Variants in JAKMIP1 observed in about 807,000 individuals in gnomAD.
JAKMIP1 encodes the protein janus kinase and microtubule interacting protein 1, also known as janus kinase and microtubule-interacting protein 1.
In JAKMIP1, 33 loss-of-function variants were observed where a neutral mutation model predicts 113.0. The ratio of observed to expected loss-of-function variants is 0.29; its 90% CI spans 0.22 to 0.39. JAKMIP1 has a LOEUF of 0.39. JAKMIP1 is among the 10% of genes least tolerant of loss of function. The pLI is 1.00. For synonymous variants in JAKMIP1, 480 were observed against 459.9 expected (o/e 1.04, Z -0.56); for missense variants, 813 against 1,080.5 (o/e 0.75, Z 3.47).
chr4:6,051,708 G>C lies in JAKMIP1; in HGVS notation c.1807-1029C>G, dbSNP rs1486597887. On this transcript the variant is annotated intron_variant, in intron 13 of 20. Coordinates refer to ENST00000409021, the MANE Select transcript of JAKMIP1 (RefSeq NM_001099433.2). This position sits in a 1 kb window ranked among gnomAD's most constrained non-coding sequence, Gnocchi z 5.0. ...GAAGAGCAAGCCTTTTCCCAGAAGA[G>C]GTATTTATTAATCATACATAAATGA... Among the ~76,000 whole-genome samples the C allele has an allele frequency of 6.6e-6, 1 of 152,172 alleles. No homozygotes were observed. Among genetic ancestry groups the C allele is most frequent in the East Asian group, 1.9e-4 (1 of 5,200 alleles).
At chr4:6,078,679 G>A (rs1720038652) in intron 8 of JAKMIP1, among the ~76,000 whole-genome samples, 1 of 152,036 alleles carries the variant, frequency 6.6e-6, no homozygotes, top group Admixed American at 6.6e-5. Flanking sequence ...TTAATTTTGG[G>A]TGAATATACC....
intron 1 of JAKMIP1, among the ~76,000 whole-genome samples, chr4:6,174,609 G>T (rs1439167206): frequency 6.6e-6 from 1 of 152,120 alleles, no homozygotes; most frequent in Non-Finnish European, 1.5e-5. Flanking sequence ...TGGAGAGGTC[G>T]CAACACTGCT....
At position 6,153,912 on chromosome 4, in the gene JAKMIP1, G is replaced by A. The variant is rs936779046; in HGVS notation, c.-147-40915C>T. ...ACTCTCACTGAGAAATGCGGAACCAGCTACCCGCTCCCTGAGGCCCCTTTT... is the reference window on the plus strand; with the variant it reads ...ACTCTCACTGAGAAATGCGGAACCAACTACCCGCTCCCTGAGGCCCCTTTT... On this transcript the variant is annotated intron_variant, in intron 1 of 20. Transcript: ENST00000409021. The surrounding 1 kb of genome is among the most constrained non-coding windows in gnomAD (Gnocchi z 4.9). 6.6e-6 allele frequency among the ~76,000 whole-genome samples: 1 copy of A among 152,248 alleles called. No individual in the cohort carries two copies. Among genetic ancestry groups the A allele is most frequent in the Non-Finnish European group, 1.5e-5 (1 of 68,042 alleles).
In JAKMIP1 at chr4:6,089,846, C is replaced by T. The variant is rs940816655; in HGVS notation, c.625-4217G>A. Among the ~76,000 whole-genome samples the T allele has an allele frequency of 2.0e-5, 3 of 152,184 alleles. No homozygotes were observed. The highest frequency in any genetic ancestry group is 7.2e-5 in the African/African-American group (3 of 41,444). On this transcript the variant is annotated intron_variant, in intron 3 of 20. Transcript: ENST00000409021. The surrounding 1 kb of genome is among the most constrained non-coding windows in gnomAD (Gnocchi z 5.3). ...TCTACCCCGAAAATCAGAATGTCAC[C>T]TTACTTCGAAATAGGGCCTTTGCAG...
intron 1 of JAKMIP1, among the ~76,000 whole-genome samples, chr4:6,121,676 G>T (rs1433830762): frequency 6.6e-6 from 1 of 152,246 alleles, no homozygotes; most frequent in Non-Finnish European, 1.5e-5. Flanking sequence ...CTACTCCAGT[G>T]ATCGCAGCGC....
rs190014844 is a variant in JAKMIP1, at chr4:6,088,905, G to C, written c.625-3276C>G. Among the ~76,000 whole-genome samples, 1 of 152,328 alleles carries C rather than the reference G, an allele frequency of 6.6e-6. No homozygotes were observed. The highest frequency in any genetic ancestry group is 1.9e-4 in the East Asian group (1 of 5,184). Reference sequence around the variant, plus strand: ...CAGTCTCAGCATGTGCAGTAGGAAAGGGGTGGAACGAACATCACTGCAAGT... The same window carrying C: ...CAGTCTCAGCATGTGCAGTAGGAAACGGGTGGAACGAACATCACTGCAAGT... On this transcript the variant is annotated intron_variant, in intron 3 of 20. Coordinates refer to ENST00000409021, the MANE Select transcript of JAKMIP1 (RefSeq NM_001099433.2). This position sits in a 1 kb window ranked among gnomAD's most constrained non-coding sequence, Gnocchi z 5.5.
intron 8 of JAKMIP1, among the ~76,000 whole-genome samples, chr4:6,077,650 T>C (rs914351893): frequency 6.6e-6 from 1 of 151,848 alleles, no homozygotes; most frequent in African/African-American, 2.4e-5. Flanking sequence ...ATCCAGCTAA[T>C]TTTTTTAATT....
rs1432115036 is a variant in JAKMIP1 at position 6,080,776 on chromosome 4, G to A, written c.1102-464C>T. Among the ~76,000 whole-genome samples, 2 of 152,080 alleles carry A rather than the reference G, an allele frequency of 1.3e-5. No homozygotes were observed. The highest frequency in any genetic ancestry group is 2.9e-5 in the Non-Finnish European group (2 of 68,024). On this transcript the variant is annotated intron_variant, in intron 6 of 20. Coordinates refer to ENST00000409021, the MANE Select transcript of JAKMIP1 (RefSeq NM_001099433.2). This position sits in a 1 kb window ranked among gnomAD's most constrained non-coding sequence, Gnocchi z 6.0. ...TCTCAGGTATGCCTTTATCAGCAGT[G>A]TGAAAATGGACTAATACGTGGCCAC...
chr4:6,066,876 C>T (rs1409366263), intron 8 of JAKMIP1, among the ~76,000 whole-genome samples: 1 of 152,188 alleles, frequency 6.6e-6, no homozygotes, highest in African/African-American at 2.4e-5. Flanking sequence ...GGCATCATCC[C>T]TCCCTCTCCT....
chr4:6,070,758 A>T (rs1475216908), intron 8 of JAKMIP1, among the ~76,000 whole-genome samples: 1 of 152,226 alleles, frequency 6.6e-6, no homozygotes, highest in African/African-American at 2.4e-5. Flanking sequence ...AGACTTGCCA[A>T]ATTCACTGGC....
intron 5 of JAKMIP1, 47 bp downstream of exon 5, chr4:6,084,799 C>T (rs2108829813): frequency 6.4e-7 from 1 of 1,557,162 alleles, no homozygotes; most frequent in Non-Finnish European, 8.7e-7. Context: ...CTCAGGGCCC[C>T]TTCCTTGCAC....
chr4:6,026,369 C>T (rs998683060), intron 20 of JAKMIP1, 91 bp from the exon 21 acceptor site: 2 of 701,744 alleles, frequency 2.9e-6, no homozygotes, highest in African/African-American at 3.6e-5. Flanking sequence ...TCAATGACAG[C>T]ATTTTACAAG....
chr4:6,036,366 A>T (rs1713440157), intron 18 of JAKMIP1, among the ~76,000 whole-genome samples: 1 of 152,244 alleles, frequency 6.6e-6, no homozygotes, highest in South Asian at 2.1e-4. Flanking sequence ...AAAGGCAAGA[A>T]GAAAAAGTAA....
At position 6,097,109 on chromosome 4, in the gene JAKMIP1, C is replaced by T. The variant is rs1018446740; in HGVS notation, c.624+8364G>A. Among the ~76,000 whole-genome samples, 4 of 152,184 alleles carry T rather than the reference C, an allele frequency of 2.6e-5. No homozygotes were observed. The highest frequency in any genetic ancestry group is 9.7e-5 in the African/African-American group (4 of 41,442). On this transcript the variant is annotated intron_variant, in intron 3 of 20. Transcript: ENST00000409021. The surrounding 1 kb of genome is among the most constrained non-coding windows in gnomAD (Gnocchi z 4.3). ...CTCAATCTGCTGGCTTCAAGCAATC[C>T]TCCCACCTGGGCCTCCTGAGTAGCT...
intron 1 of JAKMIP1, among the ~76,000 whole-genome samples, chr4:6,145,914 C>T (rs915311422): frequency 1.3e-5 from 2 of 152,138 alleles, no homozygotes; most frequent in African/African-American, 2.4e-5. Flanking sequence ...ATGTAACCAC[C>T]TCTTTACAGG....
Position 6,106,559 on chromosome 4 carries a change from CCT to C in JAKMIP1, c.130-594_130-593del, listed in dbSNP as rs1010230696. On this transcript the variant is annotated intron_variant, in intron 2 of 20. Transcript: ENST00000409021. This position sits in a 1 kb window ranked among gnomAD's most constrained non-coding sequence, Gnocchi z 5.9. The stretch of plus-strand genomic sequence containing the variant: ...TCTCTCCTCTCTCTCTCTCTCTCTT[CCT>C]CTCTCTCTCCTCTGTTTTATCATGA... 1.3e-5 allele frequency among the ~76,000 whole-genome samples: 2 copies of C among 148,302 alleles called. No individual in the cohort carries two copies. Among genetic ancestry groups the C allele is most frequent in the Admixed American group, 1.3e-4 (2 of 14,938 alleles).
Position 6,193,868 on chromosome 4 carries a change from A to G in JAKMIP1, c.-148+6385T>C, listed in dbSNP as rs1042427964. Among the ~76,000 whole-genome samples, 1 of 152,174 alleles carries G rather than the reference A, an allele frequency of 6.6e-6. No individual in the cohort carries two copies. Among genetic ancestry groups the G allele is most frequent in the Admixed American group, 6.5e-5 (1 of 15,276 alleles). The stretch of plus-strand genomic sequence containing the variant: ...GTTAACACCCTGAGCACTGCTTCCA[A>G]CACCAGCCGCAAAGGTGAGAACGAC... On this transcript the variant is annotated intron_variant, in intron 1 of 20. Coordinates refer to ENST00000409021, the MANE Select transcript of JAKMIP1 (RefSeq NM_001099433.2). The surrounding 1 kb of genome is among the most constrained non-coding windows in gnomAD (Gnocchi z 6.4).
intron 12 of JAKMIP1, chr4:6,054,951 G>A (rs921758822): frequency 3.7e-5 from 16 of 432,506 alleles, no homozygotes; most frequent in Middle Eastern, 3.8e-4. Context: ...GCGGCTCCCT[G>A]GATTTAGTGA....
At chr4:6,048,629 C>T (rs1715283204) in intron 16 of JAKMIP1, among the ~76,000 whole-genome samples, 1 of 152,240 alleles carries the variant, frequency 6.6e-6, no homozygotes, top group Non-Finnish European at 1.5e-5. Flanking sequence ...AAGTGACAGA[C>T]TGTTTCCTCC....
Sources: gnomAD v4.1 joint callset for allele counts (sites outside exome capture counted in the v4.1 genomes callset) on GRCh38, gnomAD v4.1.1 for gene constraint, Gnocchi (gnomAD v3.1) non-coding constraint, MANE v1.5 for transcripts, NCBI Gene and HGNC (gene_info 2026-07-23, HGNC 2026-07-21) for gene names.